Variants in RAD51B observed in about 807,000 individuals in gnomAD.
The protein encoded by RAD51B is DNA repair protein RAD51 homolog 2.
Under a neutral mutation model 42.2 loss-of-function variants are expected in RAD51B, and 38 were observed. The observed-to-expected ratio is 0.90, with a 90% CI of 0.70 to 1.18. The LOEUF (loss-of-function observed/expected upper bound fraction) is 1.18, where lower values mean the gene tolerates loss of function less well. Among genes scored for constraint, RAD51B ranks in the 50% most tolerant of loss-of-function variants. The pLI is 0.00. For synonymous variants in RAD51B, 154 were observed against 145.2 expected (o/e 1.06, Z -0.43); for missense variants, 373 against 400.7 (o/e 0.93, Z 0.59).
chr14:68,502,953 G>A (rs576216755), intron 10 of RAD51B, among the ~76,000 whole-genome samples: 6 of 152,196 alleles, frequency 3.9e-5, no homozygotes, highest in Non-Finnish European at 5.9e-5. Flanking sequence ...GGGCCCCTGC[G>A]AGGGCATCTT....
intron 11 of RAD51B, among the ~76,000 whole-genome samples, chr14:68,674,170 T>A (rs926358431): frequency 2.4e-5 from 2 of 83,264 alleles, no homozygotes; most frequent in Non-Finnish European, 4.6e-5. Flanking sequence ...TATACACACA[T>A]ACTGTATACA....
chr14:68,497,031 A>G (rs1043317887), intron 10 of RAD51B: 7 of 1,218,460 alleles, frequency 5.7e-6, no homozygotes, highest in Middle Eastern at 2.2e-4. Context: ...CATAACTTCA[A>G]TAAACAACAG....
At chr14:68,505,735 T>C (rs1339247953) in intron 10 of RAD51B, among the ~76,000 whole-genome samples, 1 of 152,020 alleles carries the variant, frequency 6.6e-6, no homozygotes, top group African/African-American at 2.4e-5. Context: ...GTATTTTTAA[T>C]AGAGATGGGG....
chr14:67,989,925 C>G (rs2075265238), intron 7 of RAD51B, among the ~76,000 whole-genome samples: 1 of 151,094 alleles, frequency 6.6e-6, no homozygotes, highest in African/African-American at 2.4e-5. Context: ...TCCTAATTCT[C>G]TAGGGGAAAT....
At chr14:68,619,668 G>A (rs930632489) in intron 10 of RAD51B, among the ~76,000 whole-genome samples, 1 of 152,042 alleles carries the variant, frequency 6.6e-6, no homozygotes, top group Non-Finnish European at 1.5e-5. Context: ...TCAAAGAGTT[G>A]GTGACAGTCT....
At chr14:67,946,255 G>A (rs1373698175) in intron 7 of RAD51B, among the ~76,000 whole-genome samples, 1 of 152,066 alleles carries the variant, frequency 6.6e-6, no homozygotes, top group Non-Finnish European at 1.5e-5. Context: ...GAAAGTAATA[G>A]GAAAGGGGGA....
intron 10 of RAD51B, among the ~76,000 whole-genome samples, chr14:68,473,867 C>T (rs970254734): frequency 6.6e-6 from 1 of 152,232 alleles, no homozygotes; most frequent in African/African-American, 2.4e-5. Context: ...AAAAACTTTT[C>T]TACATATATG....
chr14:67,916,077 A>C (rs2044141257), intron 7 of RAD51B, among the ~76,000 whole-genome samples: 1 of 152,220 alleles, frequency 6.6e-6, no homozygotes, highest in Non-Finnish European at 1.5e-5. Flanking sequence ...ATATTCTATT[A>C]GGGGGTCAGA....
intron 10 of RAD51B, among the ~76,000 whole-genome samples, chr14:68,476,812 T>G (rs1826972057): frequency 6.6e-6 from 1 of 152,198 alleles, no homozygotes; most frequent in Non-Finnish European, 1.5e-5. Context: ...ATCTACCTAC[T>G]GGGGTGTCTG....
Position 67,880,739 on chromosome 14 carries a change from C to T in RAD51B, c.453-5130C>T, listed in dbSNP as rs1045131406. Among the ~76,000 whole-genome samples, 12 of 152,002 alleles carry T rather than the reference C, an allele frequency of 7.9e-5. No homozygotes were observed. In the South Asian group the frequency reaches 1.3e-3, roughly 16 times the overall value. Reference sequence around the variant, plus strand: ...TTACTTGTCTGGTAATTTTTCAATTCGATGTTAAACATTGTAAATTTTACG... The same window carrying T: ...TTACTTGTCTGGTAATTTTTCAATTTGATGTTAAACATTGTAAATTTTACG... On this transcript the variant is annotated intron_variant, in intron 5 of 10. Transcript: ENST00000471583.
chr14:67,989,067 T>C (rs956031730), intron 7 of RAD51B, among the ~76,000 whole-genome samples: 2 of 152,230 alleles, frequency 1.3e-5, no homozygotes, highest in African/African-American at 4.8e-5. Context: ...CTTATTTTAA[T>C]AGAGGTAATA....
chr14:68,360,452 C>T (rs1566832174), intron 8 of RAD51B, among the ~76,000 whole-genome samples: 2 of 152,250 alleles, frequency 1.3e-5, no homozygotes, highest in Non-Finnish European at 2.9e-5. Context: ...AGGTGGCTAG[C>T]ACAATGCCTG....
At chr14:68,120,621 T>C (rs372143) in intron 7 of RAD51B, among the ~76,000 whole-genome samples, 44,301 of 152,026 alleles carry the variant, frequency 0.29, 9,163 homozygotes, top group African/African-American at 0.59. Context: ...GGACAGGTCT[T>C]CTGCTTCAAG....
At chr14:68,266,660 G>T (rs899061505) in intron 7 of RAD51B, among the ~76,000 whole-genome samples, 11 of 152,208 alleles carry the variant, frequency 7.2e-5, no homozygotes, top group Admixed American at 3.9e-4. Context: ...TTTGATCTAA[G>T]CAAAGTTATC....
intron 7 of RAD51B, among the ~76,000 whole-genome samples, chr14:68,177,507 T>A (rs1341979204): frequency 2.0e-5 from 3 of 152,210 alleles, no homozygotes; most frequent in Admixed American, 1.3e-4. Flanking sequence ...CTTAAAAACA[T>A]GCGATCACAT....
intron 8 of RAD51B, among the ~76,000 whole-genome samples, chr14:68,405,167 A>G (rs1335702810): frequency 2.0e-5 from 3 of 152,254 alleles, no homozygotes; most frequent in African/African-American, 7.2e-5. Context: ...AAAGAGATGT[A>G]GCTAAGATAT....
chr14:68,037,350 A>G (rs1437796375), intron 7 of RAD51B, among the ~76,000 whole-genome samples: 2 of 150,118 alleles, frequency 1.3e-5, no homozygotes, highest in African/African-American at 4.9e-5. Context: ...CCTCCCGAGT[A>G]GCTGGGATTA....
intron 10 of RAD51B, among the ~76,000 whole-genome samples, chr14:68,517,399 A>T (rs1886238686): frequency 6.6e-6 from 1 of 152,244 alleles, no homozygotes; most frequent in Non-Finnish European, 1.5e-5. Context: ...AGTTTGTAGC[A>T]GTGAAGAATG....
rs774340783 is a variant in RAD51B at position 68,411,449 on chromosome 14, A to G, written c.879A>G (p.Ile293Met). The part of the protein sequence containing the change: ...SEGTSGSSCV[I>M]AALGNTWSHS... ...GCACTTCTGGATCCAGCTGTGTGAT[A>G]GCCGCACTAGGAAATACCTGGAGTC... is the stretch of plus-strand genomic sequence containing the variant. The change falls in exon 9 of 11, where the codon ATA (isoleucine) becomes ATG (methionine). Residue 293 changes from isoleucine (I) to methionine (M), a missense_variant. Coordinates refer to ENST00000471583, the MANE Select transcript of RAD51B (RefSeq NM_133510.4). 6.2e-6 allele frequency: 10 copies of G among 1,614,162 alleles called. No individual in the cohort carries two copies. The Admixed American group carries it at 1.7e-4, about 27-fold the overall frequency.
Sources: allele counts gnomAD v4.1 joint callset (sites outside exome capture counted in the v4.1 genomes callset), GRCh38; gene constraint gnomAD v4.1.1; transcripts MANE v1.5; gene names NCBI Gene and HGNC (gene_info 2026-07-23, HGNC 2026-07-21).